The following PACS1 variants were observed in gnomAD, a reference collection of about 807,000 sequenced individuals.
PACS1 encodes the protein PACS-1.
In PACS1, 24 loss-of-function variants were observed where a neutral mutation model predicts 115.0. The ratio of observed to expected loss-of-function variants is 0.21; its 90% CI spans 0.15 to 0.29. PACS1 has a LOEUF of 0.29. PACS1 is among the 10% of genes least tolerant of loss of function. The probability of loss-of-function intolerance (pLI) is 1.00; values close to 1 mark genes in which losing one functional copy is unlikely to be tolerated. For missense variants in PACS1, 838 were observed against 1,251.2 expected, an observed-to-expected ratio of 0.67 and a Z score of 4.98; for synonymous variants, 453 against 504.5, an observed-to-expected ratio of 0.90 and a Z score of 1.37.
intron 1 of PACS1, among the ~76,000 whole-genome samples, chr11:66,140,277 G>T (rs144692371): frequency 3.9e-5 from 6 of 152,252 alleles, no homozygotes; most frequent in Non-Finnish European, 2.9e-5. Flanking sequence ...CTTGCAAACC[G>T]AGGAGATTTT....
chr11:66,074,811 C>T (rs773609927), intron 1 of PACS1, among the ~76,000 whole-genome samples: 11 of 152,130 alleles, frequency 7.2e-5, no homozygotes, highest in African/African-American at 2.4e-4. Flanking sequence ...TTCATGAAAA[C>T]GCTTGGGGGC....
At chr11:66,105,785 G>A (rs961560935) in intron 1 of PACS1, among the ~76,000 whole-genome samples, 2 of 152,136 alleles carry the variant, frequency 1.3e-5, no homozygotes, top group African/African-American at 2.4e-5. Flanking sequence ...ATGAGAATAG[G>A]CTTTATGGAT....
chr11:66,145,462 A>G lies in PACS1; in HGVS notation c.357-48024A>G, dbSNP rs75548586. 2.6e-3 allele frequency among the ~76,000 whole-genome samples: 389 copies of G among 152,324 alleles called. 2 individuals carry two copies. Among genetic ancestry groups the G allele is most frequent in the Admixed American group, 4.1e-3 (62 of 15,292 alleles). On this transcript the variant is annotated intron_variant, in intron 1 of 23. Transcript: ENST00000320580. Reference sequence around the variant, plus strand: ...CAACAGTTCTGGTAGTGAGAGAGCTATCCCAAGTGGGTCAAGCAACAGACT... The same window carrying G: ...CAACAGTTCTGGTAGTGAGAGAGCTGTCCCAAGTGGGTCAAGCAACAGACT...
At chr11:66,100,920 G>A (rs536614994) in intron 1 of PACS1, 115 of 456,274 alleles carry the variant, frequency 2.5e-4, no homozygotes, top group East Asian at 1.5e-3. Context: ...AAGCAAGAGC[G>A]AGCTGGCGGA....
chr11:66,082,626 C>A (rs1430098987), intron 1 of PACS1, among the ~76,000 whole-genome samples: 1 of 152,100 alleles, frequency 6.6e-6, no homozygotes, highest in Non-Finnish European at 1.5e-5. Context: ...CTTTGGGAGG[C>A]CGAGGTGGGT....
chr11:66,156,842 G>A (rs1174783652), intron 1 of PACS1, among the ~76,000 whole-genome samples: 2 of 146,880 alleles, frequency 1.4e-5, no homozygotes, highest in African/African-American at 2.5e-5. Flanking sequence ...GACAGAGCGA[G>A]ACTCTGTCTC....
intron 1 of PACS1, among the ~76,000 whole-genome samples, chr11:66,142,911 G>T (rs866576686): frequency 6.6e-5 from 10 of 151,246 alleles, no homozygotes; most frequent in African/African-American, 1.9e-4. Flanking sequence ...GAAAAAACCC[G>T]CAATCCATGA....
intron 1 of PACS1, among the ~76,000 whole-genome samples, chr11:66,158,014 G>A (rs1377154238): frequency 6.6e-6 from 1 of 152,206 alleles, no homozygotes; most frequent in East Asian, 1.9e-4. Flanking sequence ...AGGCTGGAGT[G>A]CAGTGGCATG....
At chr11:66,214,488 C>T (rs963511075) in intron 4 of PACS1, among the ~76,000 whole-genome samples, 3 of 150,898 alleles carry the variant, frequency 2.0e-5, no homozygotes, top group Non-Finnish European at 4.4e-5. Context: ...CATTTCTTTC[C>T]TTCCTTCCTT....
At chr11:66,180,352 T>A (rs75996481) in intron 1 of PACS1, among the ~76,000 whole-genome samples, 1 of 147,044 alleles carries the variant, frequency 6.8e-6, no homozygotes, top group Admixed American at 6.8e-5. Context: ...TTCTTTCAGC[T>A]TTTTTTTTTG....
At chr11:66,237,413 C>T (rs1422172714) in intron 19 of PACS1, among the ~76,000 whole-genome samples, 1 of 152,236 alleles carries the variant, frequency 6.6e-6, no homozygotes, top group Non-Finnish European at 1.5e-5. Flanking sequence ...AGCTTCTAGA[C>T]AGGGAGGGGC....
chr11:66,219,435 CTG>C, intron 7 of PACS1: 2 of 485,136 alleles, frequency 4.1e-6, no homozygotes, highest in East Asian at 9.0e-5. Flanking sequence ...GCAGTGGGCA[CTG>C]TGAATCCGAA....
At chr11:66,090,209 G>A (rs1857635980) in intron 1 of PACS1, among the ~76,000 whole-genome samples, 2 of 150,304 alleles carry the variant, frequency 1.3e-5, no homozygotes, top group East Asian at 3.9e-4. Flanking sequence ...GCTTGGCTTG[G>A]CTTGGCTTGG....
intron 1 of PACS1, among the ~76,000 whole-genome samples, chr11:66,159,804 T>C (rs889665929): frequency 6.6e-6 from 1 of 152,172 alleles, no homozygotes; most frequent in African/African-American, 2.4e-5. Context: ...CCACAGGACC[T>C]AATTAGAAAA....
At chr11:66,171,942 A>G (rs1258320651) in intron 1 of PACS1, among the ~76,000 whole-genome samples, 1 of 152,088 alleles carries the variant, frequency 6.6e-6, no homozygotes, top group African/African-American at 2.4e-5. Context: ...TTCTTAGTTT[A>G]CTCTCAAGCT....
intron 1 of PACS1, among the ~76,000 whole-genome samples, chr11:66,190,563 AT>A (rs1243436189): frequency 6.6e-6 from 1 of 151,850 alleles, no homozygotes; most frequent in East Asian, 1.9e-4. Context: ...ATTTCTTTTT[AT>A]TTTTAAGAGA....
Position 66,210,062 on chromosome 11 carries a change from T to A in PACS1, c.445-300T>A, listed in dbSNP as rs565714. On this transcript the variant is annotated intron_variant, in intron 2 of 23. Transcript: ENST00000320580. The stretch of plus-strand genomic sequence containing the variant: ...TTGATATTATTTGAGACAGGGTCTC[T>A]CTCTGTCACCCAGGCTGGAGTGCAG... Among the ~76,000 whole-genome samples, 3,569 of 151,286 alleles carry A rather than the reference T, an allele frequency of 0.024. 169 individuals are homozygous for A. The highest frequency in any genetic ancestry group is 0.083 in the African/African-American group (3,410 of 41,128).
At chr11:66,077,789 G>A (rs971906424) in intron 1 of PACS1, among the ~76,000 whole-genome samples, 5 of 141,706 alleles carry the variant, frequency 3.5e-5, no homozygotes, top group Admixed American at 7.6e-5. Context: ...GGAAACCTCC[G>A]CCTCCGAGGT....
intron 1 of PACS1, among the ~76,000 whole-genome samples, chr11:66,176,017 C>G (rs1256853560): frequency 3.9e-5 from 6 of 151,960 alleles, no homozygotes; most frequent in Non-Finnish European, 8.8e-5. Context: ...CAGTTCCAAT[C>G]TACTCCACAC....
Sources: allele counts gnomAD v4.1 joint callset (sites outside exome capture counted in the v4.1 genomes callset), GRCh38; gene constraint gnomAD v4.1.1; transcripts MANE v1.5; gene names NCBI Gene and HGNC (gene_info 2026-07-23, HGNC 2026-07-21).